Variants in EPB41L2 observed in about 807,000 individuals in gnomAD.
EPB41L2 encodes the protein band 4.1-like protein 2.
Under a neutral mutation model 113.0 loss-of-function variants are expected in EPB41L2, and 43 were observed. That is an observed-to-expected ratio of 0.38 (90% CI 0.30 to 0.49). EPB41L2 has a LOEUF of 0.49. Among genes scored for constraint, EPB41L2 ranks in the 20% least tolerant of loss-of-function variants. The pLI is 0.95. For missense variants in EPB41L2, 1,147 were observed against 1,223.4 expected, an observed-to-expected ratio of 0.94 and a Z score of 0.93; for synonymous variants, 442 against 436.7, an observed-to-expected ratio of 1.01 and a Z score of -0.15.
chr6:130,888,529 T>G (rs1791775347), intron 11 of EPB41L2, among the ~76,000 whole-genome samples: 1 of 152,226 alleles, frequency 6.6e-6, no homozygotes, highest in Non-Finnish European at 1.5e-5. Context: ...TCTTTTTAAA[T>G]GCTAAACTTT....
intron 1 of EPB41L2, among the ~76,000 whole-genome samples, chr6:130,968,434 T>G (rs892250034): frequency 2.0e-5 from 3 of 152,238 alleles, no homozygotes; most frequent in Non-Finnish European, 4.4e-5. Flanking sequence ...AATTCACTTT[T>G]TAAATTTTGG....
chr6:130,955,816 T>G (rs1817257053), intron 2 of EPB41L2, among the ~76,000 whole-genome samples, 178 bp downstream of exon 2: 1 of 152,220 alleles, frequency 6.6e-6, no homozygotes, highest in South Asian at 2.1e-4. Context: ...GGACTTTTTT[T>G]TCAAGGAGTA....
At chr6:130,989,387 C>T (rs1475523998) in intron 1 of EPB41L2, among the ~76,000 whole-genome samples, 1 of 152,100 alleles carries the variant, frequency 6.6e-6, no homozygotes, top group Non-Finnish European at 1.5e-5. Context: ...AGCCTCTGCT[C>T]TCTCTCCCTC....
rs771707457 is a variant in EPB41L2 at position 130,878,217 on chromosome 6, G to A, written c.1930C>T (p.His644Tyr). Residue 644 changes from histidine (H) to tyrosine (Y), a missense_variant, in exon 14 of 20, where the codon CAT becomes TAT. Coordinates refer to ENST00000337057, the MANE Select transcript of EPB41L2 (RefSeq NM_001431.4). ...LDKAQEDILK[H>Y]QASISELKRN... ...TTGAGTTCACTAATGCTAGCCTGAT[G>A]TTTCAGTATGTCCTCCTGGGCCTTA... is the stretch of plus-strand genomic sequence containing the variant. 2 of 1,612,732 alleles carry A rather than the reference G, an allele frequency of 1.2e-6. No homozygotes were observed. The highest frequency in any genetic ancestry group is 1.7e-6 in the Non-Finnish European group (2 of 1,179,548).
chr6:130,949,556 T>A (rs554190759), intron 3 of EPB41L2, among the ~76,000 whole-genome samples: 1 of 149,442 alleles, frequency 6.7e-6, no homozygotes, highest in Non-Finnish European at 1.5e-5. Flanking sequence ...CAGAGAGAGA[T>A]CCTGTTGAAA....
intron 1 of EPB41L2, among the ~76,000 whole-genome samples, chr6:130,987,306 C>T (rs1370525062): frequency 6.6e-6 from 1 of 152,204 alleles, no homozygotes; most frequent in Non-Finnish European, 1.5e-5. Flanking sequence ...CACCAGACTA[C>T]TTTCCAACAT....
intron 1 of EPB41L2, among the ~76,000 whole-genome samples, chr6:130,962,146 C>T (rs572046852): frequency 5.3e-5 from 8 of 151,992 alleles, no homozygotes; most frequent in South Asian, 4.2e-4. Flanking sequence ...TGCCATCAAA[C>T]GTGAGGGAAA....
chr6:130,953,459 T>C (rs1360844572), intron 3 of EPB41L2, among the ~76,000 whole-genome samples: 4 of 151,974 alleles, frequency 2.6e-5, no homozygotes, highest in African/African-American at 7.3e-5. Flanking sequence ...CAGGTGGGAA[T>C]TGAACAATGA....
chr6:131,053,142 C>G (rs571920153), intron 1 of EPB41L2, among the ~76,000 whole-genome samples: 24 of 151,792 alleles, frequency 1.6e-4, no homozygotes, highest in Non-Finnish European at 2.9e-4. Context: ...GTGATCTGCC[C>G]GCCTCGGCCT....
chr6:130,873,413 A>AC (rs879378888), intron 14 of EPB41L2, among the ~76,000 whole-genome samples: 2 of 150,140 alleles, frequency 1.3e-5, no homozygotes, highest in African/African-American at 4.9e-5. Flanking sequence ...ATCATGAAGC[A>AC]CCCCCTCATG....
chr6:130,899,498 T>C lies in EPB41L2; in HGVS notation c.1229A>G (p.His410Arg), dbSNP rs757568669. The change falls in exon 8 of 20, where the codon CAT becomes CGT. Residue 410 changes from histidine to arginine, a missense_variant. By Grantham distance (29) the His-to-Arg change is conservative. Coordinates refer to ENST00000337057, the MANE Select transcript of EPB41L2 (RefSeq NM_001431.4). ...CCGTTACATTTACAGTACCTTGGCA[T>C]GATGTAGGTCAACACCATACATGGA... ...RLSMYGVDLH[H>R]AKDSEGVDIK... 13 of 1,613,372 alleles carry C rather than the reference T, an allele frequency of 8.1e-6. No individual in the cohort carries two copies. Among genetic ancestry groups the C allele is most frequent in the Middle Eastern group, 1.6e-4 (1 of 6,082 alleles).
intron 1 of EPB41L2, among the ~76,000 whole-genome samples, chr6:131,056,899 A>C (rs1797705000): frequency 6.6e-6 from 1 of 152,238 alleles, no homozygotes; most frequent in African/African-American, 2.4e-5. Context: ...ATGCACATTC[A>C]TTAAGTTCAC....
At chr6:130,950,760 T>C (rs1814642333) in intron 3 of EPB41L2, among the ~76,000 whole-genome samples, 1 of 152,048 alleles carries the variant, frequency 6.6e-6, no homozygotes, top group South Asian at 2.1e-4. Flanking sequence ...TATGCAAAAG[T>C]CCTAAATAAA....
intron 14 of EPB41L2, among the ~76,000 whole-genome samples, chr6:130,874,976 A>AT (rs1453499561): frequency 1.3e-5 from 2 of 152,238 alleles, no homozygotes; most frequent in Admixed American, 6.5e-5. Context: ...AGCATGTGAT[A>AT]TTAAAGTCCT....
At chr6:131,011,791 C>G (rs1787049512) in intron 1 of EPB41L2, among the ~76,000 whole-genome samples, 1 of 152,194 alleles carries the variant, frequency 6.6e-6, no homozygotes, top group Non-Finnish European at 1.5e-5. Flanking sequence ...GGGTGACCTC[C>G]CCTAAGTAGG....
At chr6:130,987,759 G>A (rs1780914983) in intron 1 of EPB41L2, among the ~76,000 whole-genome samples, 1 of 151,846 alleles carries the variant, frequency 6.6e-6, no homozygotes, top group Non-Finnish European at 1.5e-5. Context: ...AAAAATTTAG[G>A]AGGCTAAAAT....
At chr6:130,889,164 A>G (rs989815039) in intron 11 of EPB41L2, among the ~76,000 whole-genome samples, 2 of 151,718 alleles carry the variant, frequency 1.3e-5, no homozygotes, top group African/African-American at 4.8e-5. Flanking sequence ...CAAATTTAGT[A>G]TTATTATTAT....
intron 1 of EPB41L2, among the ~76,000 whole-genome samples, chr6:131,018,514 C>T (rs1358476628): frequency 1.3e-5 from 2 of 152,140 alleles, no homozygotes; most frequent in African/African-American, 4.8e-5. Flanking sequence ...CTTTTCTTTT[C>T]ACTGTGGTAA....
At chr6:130,979,837 T>C (rs1778993563) in intron 1 of EPB41L2, among the ~76,000 whole-genome samples, 1 of 152,176 alleles carries the variant, frequency 6.6e-6, no homozygotes, top group Non-Finnish European at 1.5e-5. Flanking sequence ...TGAAGGTATG[T>C]GTCTGAATGA....
Sources: allele counts gnomAD v4.1 joint callset (sites outside exome capture counted in the v4.1 genomes callset), GRCh38; gene constraint gnomAD v4.1.1; transcripts MANE v1.5; gene names NCBI Gene and HGNC (gene_info 2026-07-23, HGNC 2026-07-21).